Variants in ETS1 observed in about 807,000 individuals in gnomAD.
The protein encoded by ETS1 is ETS proto-oncogene 1, transcription factor, also known as protein C-ets-1.
Under a neutral mutation model 58.6 loss-of-function variants are expected in ETS1, and 15 were observed. The observed-to-expected ratio is 0.26, with a 90% CI of 0.17 to 0.39. The LOEUF is 0.39. ETS1 is among the 10% of genes least tolerant of loss of function. The pLI, the probability that ETS1 is intolerant of heterozygous loss-of-function variation, is 1.00. For missense variants in ETS1, 417 were observed against 610.5 expected (o/e 0.68, Z 3.34); for synonymous variants, 214 against 218.2 (o/e 0.98, Z 0.17).
intron 3 of ETS1, among the ~76,000 whole-genome samples, chr11:128,502,937 C>T (rs537485071): frequency 6.6e-6 from 1 of 152,132 alleles, no homozygotes; most frequent in African/African-American, 2.4e-5. Context: ...AGCATTAATG[C>T]GCAACCAACA....
intron 3 of ETS1, among the ~76,000 whole-genome samples, chr11:128,554,207 G>A (rs1003615208): frequency 2.0e-5 from 3 of 152,148 alleles, no homozygotes; most frequent in African/African-American, 7.2e-5. Flanking sequence ...TCCATCAGAG[G>A]GAGTATAGGA....
chr11:128,484,801 T>C (rs766367568), intron 7 of ETS1, 22 bp downstream of exon 7: 2 of 1,602,096 alleles, frequency 1.2e-6, no homozygotes, highest in South Asian at 2.2e-5. Context: ...CCAAGAGCTT[T>C]TAGAGAAGAA....
intron 3 of ETS1, among the ~76,000 whole-genome samples, chr11:128,517,816 G>A (rs1277347338): frequency 6.6e-6 from 1 of 152,144 alleles, no homozygotes; most frequent in Non-Finnish European, 1.5e-5. Flanking sequence ...TTTGTCTCCT[G>A]GAGGGAGGCG....
chr11:128,564,110 T>G (rs1864450274), intron 2 of ETS1, among the ~76,000 whole-genome samples: 1 of 152,164 alleles, frequency 6.6e-6, no homozygotes, highest in South Asian at 2.1e-4. Flanking sequence ...GCGTGGTTTC[T>G]GGGGCACATC....
Position 128,463,650 on chromosome 11 carries a change from A to G in ETS1, c.1124-23T>C, listed in dbSNP as rs1861959479. ...TGCCTAGAAACACAAGCCATTGTGA[A>G]TCATTACACCAGATATTCAGCACTC... On this transcript the variant is annotated intron_variant, in intron 8 of 9. Coordinates refer to ENST00000392668, the MANE Select transcript of ETS1 (RefSeq NM_001143820.2). This position sits in a 1 kb window ranked among gnomAD's most constrained non-coding sequence, Gnocchi z 4.1. The G allele has an allele frequency of 2.3e-6, 3 of 1,282,778 alleles. No individual in the cohort carries two copies. The allele number at this position is 1,282,778 out of a possible 1,614,324, so 79.5% of individuals were successfully genotyped here.
chr11:128,482,087 C>T (rs919759334), intron 7 of ETS1, among the ~76,000 whole-genome samples: 5 of 152,190 alleles, frequency 3.3e-5, no homozygotes, highest in African/African-American at 1.2e-4. Flanking sequence ...TTCATTCTTA[C>T]TAAAAATGAA....
In ETS1 at chr11:128,480,250, C is replaced by T. The variant is rs917270554; in HGVS notation, c.1064G>A (p.Arg355His). Residue 355 changes from arginine (R) to histidine (H), a missense_variant, in exon 8 of 10, where the codon CGT becomes CAT. Physicochemically the swap from Arg to His is conservative, Grantham distance 29. Transcript: ENST00000392668. Reference sequence around the variant, plus strand: ...AGGCTTGTCCTTATTGAGGTCAGCACGGTCCCGCACATAGTCCTTGAAGGT... The same window carrying T: ...AGGCTTGTCCTTATTGAGGTCAGCATGGTCCCGCACATAGTCCTTGAAGGT... ...KGTFKDYVRD[R>H]ADLNKDKPVI... The T allele has an allele frequency of 5.0e-6, 8 of 1,614,026 alleles. No individual in the cohort carries two copies. The highest frequency in any genetic ancestry group is 1.7e-4 in the Middle Eastern group (1 of 6,060).
At chr11:128,568,111 C>A (rs1031116579) in intron 2 of ETS1, among the ~76,000 whole-genome samples, 1 of 152,204 alleles carries the variant, frequency 6.6e-6, no homozygotes, top group Non-Finnish European at 1.5e-5. Context: ...GCATGTTGTT[C>A]TATCTCCCAA....
chr11:128,496,682 A>ATT (rs1296355512), intron 3 of ETS1, among the ~76,000 whole-genome samples: 1 of 152,226 alleles, frequency 6.6e-6, no homozygotes, highest in Non-Finnish European at 1.5e-5. Flanking sequence ...TCTCAAAGAA[A>ATT]GACAGTCTCT....
intron 2 of ETS1, among the ~76,000 whole-genome samples, chr11:128,565,230 A>G (rs894193934): frequency 6.6e-6 from 1 of 152,058 alleles, no homozygotes; most frequent in Non-Finnish European, 1.5e-5. Context: ...GACCTGAAGG[A>G]ATGGGTTTGG....
intron 3 of ETS1, among the ~76,000 whole-genome samples, chr11:128,499,994 TC>T (rs1317088620): frequency 1.3e-5 from 2 of 152,156 alleles, no homozygotes; most frequent in African/African-American, 2.4e-5. Flanking sequence ...TGCCTCTCCC[TC>T]CCACGCAGGA....
At chr11:128,545,038 AG>A (rs999137956) in intron 3 of ETS1, among the ~76,000 whole-genome samples, 1 of 150,546 alleles carries the variant, frequency 6.6e-6, no homozygotes, top group African/African-American at 2.4e-5. Flanking sequence ...GGGCAGTGTA[AG>A]GGGACAAAGG....
intron 3 of ETS1, among the ~76,000 whole-genome samples, chr11:128,534,731 C>T (rs1863947891): frequency 6.6e-6 from 1 of 152,192 alleles, no homozygotes; most frequent in South Asian, 2.1e-4. Context: ...CCAGGTCCAT[C>T]CATGTCCCTA....
In ETS1 at chr11:128,458,813, T is replaced by C. The variant is rs1399889864; in HGVS notation, c.*3548A>G. The C allele has an allele frequency of 6.5e-6, 1 of 152,732 alleles. No homozygotes were observed. The highest frequency in any genetic ancestry group is 1.5e-5 in the Non-Finnish European group (1 of 68,028). The allele number at this position is 152,732 out of a possible 1,614,324, so 9.5% of individuals were successfully genotyped here. On this transcript the variant is annotated 3_prime_UTR_variant, in exon 10 of 10. Transcript: ENST00000392668. This position sits in a 1 kb window ranked among gnomAD's most constrained non-coding sequence, Gnocchi z 4.3. ...TAATTTCACACAGTTTAAAATACAA[T>C]ATGAAATCAGGCTACAGTATATAAA... is the stretch of plus-strand genomic sequence containing the variant.
At chr11:128,529,429 C>A (rs929287407) in intron 3 of ETS1, among the ~76,000 whole-genome samples, 7 of 152,156 alleles carry the variant, frequency 4.6e-5, no homozygotes, top group Non-Finnish European at 1.0e-4. Context: ...GCAGGTGGCA[C>A]AGAAATATAG....
chr11:128,579,209 T>C (rs1864812910), intron 1 of ETS1, among the ~76,000 whole-genome samples: 1 of 152,160 alleles, frequency 6.6e-6, no homozygotes, highest in Non-Finnish European at 1.5e-5. Flanking sequence ...AATGTAGATT[T>C]CTCCCCACCA....
At chr11:128,470,258 A>C (rs1188217681) in intron 8 of ETS1, among the ~76,000 whole-genome samples, 1 of 152,138 alleles carries the variant, frequency 6.6e-6, no homozygotes, top group African/African-American at 2.4e-5. Context: ...ATTTAAAAAT[A>C]AAAGCCATTT....
Position 128,549,790 on chromosome 11 carries a change from C to CA in ETS1, c.214+6500_214+6501insT, listed in dbSNP as rs1170445965. Among the ~76,000 whole-genome samples the CA allele has an allele frequency of 3.9e-5, 6 of 152,318 alleles. No individual in the cohort carries two copies. The highest frequency in any genetic ancestry group is 1.4e-4 in the African/African-American group (6 of 41,562). ...GGTCACTCCTGAGAGCATGGGGTCT[C>CA]TGGTCTCTAACCTGGGTGTGCAGCT... On this transcript the variant is annotated intron_variant, in intron 3 of 9. Transcript: ENST00000392668. This position sits in a 1 kb window ranked among gnomAD's most constrained non-coding sequence, Gnocchi z 4.3.
At chr11:128,527,715 C>T (rs534163161) in intron 3 of ETS1, among the ~76,000 whole-genome samples, 3 of 152,328 alleles carry the variant, frequency 2.0e-5, no homozygotes, top group East Asian at 3.9e-4. Context: ...CCCAGGGCTA[C>T]AGGATTTCAC....
Sources: gnomAD v4.1 joint callset for allele counts (sites outside exome capture counted in the v4.1 genomes callset) on GRCh38, gnomAD v4.1.1 for gene constraint, Gnocchi (gnomAD v3.1) non-coding constraint, MANE v1.5 for transcripts, NCBI Gene and HGNC (gene_info 2026-07-23, HGNC 2026-07-21) for gene names.